The following SPAG9 variants were observed in gnomAD, a reference collection of about 807,000 sequenced individuals.
SPAG9 encodes the protein sperm associated antigen 9.
A neutral mutation model predicts 166.5 loss-of-function variants in SPAG9; 35 were observed. The observed-to-expected ratio is 0.21, with a 90% CI of 0.16 to 0.28. The LOEUF (loss-of-function observed/expected upper bound fraction) is 0.28, where lower values mean the gene tolerates loss of function less well. SPAG9 is among the 10% of genes least tolerant of loss of function. The probability of loss-of-function intolerance (pLI) is 1.00; values close to 1 mark genes in which losing one functional copy is unlikely to be tolerated. For synonymous variants in SPAG9, 534 were observed against 565.5 expected, an observed-to-expected ratio of 0.94 and a Z score of 0.79; for missense variants, 1,235 against 1,603.3, an observed-to-expected ratio of 0.77 and a Z score of 3.92.
chr17:51,054,098 G>A (rs950118747), intron 3 of SPAG9, among the ~76,000 whole-genome samples: 3 of 136,418 alleles, frequency 2.2e-5, no homozygotes, highest in Admixed American at 1.5e-4. Flanking sequence ...GCTAACAAAT[G>A]TCATTAAAAT....
At position 50,970,768 on chromosome 17, in the gene SPAG9, C is replaced by G; in HGVS notation, c.3789G>C (p.Gln1263His). 6.2e-7 allele frequency: 1 copy of G among 1,614,152 alleles called. No homozygotes were observed. The highest frequency in any genetic ancestry group is 8.5e-7 in the Non-Finnish European group (1 of 1,180,022). ...AGPSAQEPGS[Q>H]TPLKSMLVIS... is the part of the protein sequence containing the mutation. ...TGACAAGCATAGACTTCAAGGGCGT[C>G]TGACTACCAGGCTCCTGTGCAGATG... Residue 1263 changes from glutamine (Q) to histidine (H), a missense_variant, in exon 29 of 30, where the codon CAG becomes CAC. By Grantham distance (24) the Gln-to-His change is conservative. Coordinates refer to ENST00000262013, the MANE Select transcript of SPAG9 (RefSeq NM_001130528.3).
intron 19 of SPAG9, among the ~76,000 whole-genome samples, chr17:50,991,104 G>A (rs967417214): frequency 6.6e-6 from 1 of 151,224 alleles, no homozygotes; most frequent in Non-Finnish European, 1.5e-5. Flanking sequence ...ACAGGGTTTC[G>A]GTATGTTGGT....
intron 3 of SPAG9, 41 bp from the exon 4 acceptor site, chr17:51,047,510 A>T (rs377486560): frequency 3.2e-5 from 29 of 917,472 alleles, no homozygotes; most frequent in Non-Finnish European, 4.7e-5. Flanking sequence ...TTTAAGGCTA[A>T]TACCTGGAAT....
At chr17:51,111,108 T>A (rs2049098502) in intron 1 of SPAG9, among the ~76,000 whole-genome samples, 1 of 150,950 alleles carries the variant, frequency 6.6e-6, no homozygotes, top group South Asian at 2.1e-4. Flanking sequence ...AGAGCAAGAC[T>A]CCGTCTCAAA....
intron 8 of SPAG9, among the ~76,000 whole-genome samples, chr17:51,018,226 C>T (rs1163114746): frequency 1.4e-5 from 2 of 140,950 alleles, no homozygotes; most frequent in South Asian, 2.3e-4. Flanking sequence ...GCCTGCAGTC[C>T]CAGCTACTTG....
At chr17:51,066,064 A>G (rs2047654184) in intron 2 of SPAG9, among the ~76,000 whole-genome samples, 1 of 152,164 alleles carries the variant, frequency 6.6e-6, no homozygotes, top group African/African-American at 2.4e-5. Context: ...AAATCCTCTT[A>G]AAAGTTAGCA....
At chr17:51,055,196 T>C (rs2047328896) in intron 3 of SPAG9, among the ~76,000 whole-genome samples, 1 of 151,944 alleles carries the variant, frequency 6.6e-6, no homozygotes, top group African/African-American at 2.4e-5. Context: ...ATATTAAAAA[T>C]ACAAAAGTTA....
At chr17:51,025,980 C>T (rs540244602) in intron 6 of SPAG9, among the ~76,000 whole-genome samples, 15 of 152,074 alleles carry the variant, frequency 9.9e-5, no homozygotes, top group African/African-American at 2.2e-4. Flanking sequence ...CCCATTAAGA[C>T]GGCGGATTCA....
At chr17:51,095,983 A>T in intron 1 of SPAG9, among the ~76,000 whole-genome samples, 1 of 124,430 alleles carries the variant, frequency 8.0e-6, no homozygotes. Context: ...TGATATATAT[A>T]TATATAGTGA....
rs556275628 is a variant in SPAG9 at position 51,002,765 on chromosome 17, A to C, written c.1477-920T>G. ...GAGTGCAATCCTGTCTTTAAAAAAC[A>C]AAACAACAACAACAACAAAAACAAC... On this transcript the variant is annotated intron_variant, in intron 12 of 29. Coordinates refer to ENST00000262013, the MANE Select transcript of SPAG9 (RefSeq NM_001130528.3). Among the ~76,000 whole-genome samples, 6 of 149,082 alleles carry C rather than the reference A, an allele frequency of 4.0e-5. 1 individual carries two copies. Among genetic ancestry groups the C allele is most frequent in the Non-Finnish European group, 9.1e-5 (6 of 66,202 alleles).
chr17:51,031,502 TG>T (rs2046383223), intron 6 of SPAG9, 178 bp downstream of exon 6: 1 of 574,974 alleles, frequency 1.7e-6, no homozygotes. Context: ...AATTACAGAT[TG>T]CAGTAAAGCC....
At chr17:51,100,677 T>C (rs549513633) in intron 1 of SPAG9, among the ~76,000 whole-genome samples, 1 of 152,288 alleles carries the variant, frequency 6.6e-6, no homozygotes, top group African/African-American at 2.4e-5. Context: ...TCTGGTACTT[T>C]GGGACGCCAA....
Position 50,966,093 on chromosome 17 carries a change from G to C in SPAG9, c.*179C>G, listed in dbSNP as rs533006670. 13 of 588,468 alleles carry C rather than the reference G, an allele frequency of 2.2e-5. No individual in the cohort carries two copies. The East Asian group carries it at 3.7e-4, about 17-fold the overall frequency. 36.5% of individuals were successfully genotyped at this position (588,468 alleles called of 1,614,324 possible). A position where few individuals can be genotyped will look rare whatever the true frequency, so the allele number is the denominator to read the frequency against. ...CCTATAACACTGGTGCAGTAACACAGCTAGTTCCTCTGTATTGTTATGGTA... is the reference window on the plus strand; with the variant it reads ...CCTATAACACTGGTGCAGTAACACACCTAGTTCCTCTGTATTGTTATGGTA... On this transcript the variant is annotated 3_prime_UTR_variant, in exon 30 of 30. Coordinates refer to ENST00000262013, the MANE Select transcript of SPAG9 (RefSeq NM_001130528.3).
chr17:50,982,511 G>C lies in SPAG9; in HGVS notation c.3237+13C>G. The C allele has an allele frequency of 1.2e-6, 2 of 1,602,926 alleles. No individual in the cohort carries two copies. Reference sequence around the variant, plus strand: ...AATTCAATAAATACAGAAAACATAGGCTAATAACTTGCCTCTATTTTCATG... The same window carrying C: ...AATTCAATAAATACAGAAAACATAGCCTAATAACTTGCCTCTATTTTCATG... On this transcript the variant is annotated intron_variant, in intron 25 of 29. Coordinates refer to ENST00000262013, the MANE Select transcript of SPAG9 (RefSeq NM_001130528.3).
Position 51,047,401 on chromosome 17 carries a change from T to C in SPAG9, c.564A>G (p.Leu188=), listed in dbSNP as rs1481117455. Residue 188 remains leucine (L), a synonymous_variant, in exon 4 of 30, where the codon CTA becomes CTG. Transcript: ENST00000262013. The part of the protein sequence containing the change: ...KLHQLSGSDQ[L]ESTAHSRIRK... ...TAATTCTACTATGAGCTGTGGATTC[T>C]AGTTGATCACTCCCTGAGAGCTGAT... 3.8e-6 allele frequency: 6 copies of C among 1,590,466 alleles called. No homozygotes were observed. Among genetic ancestry groups the C allele is most frequent in the Non-Finnish European group, 5.1e-6 (6 of 1,165,622 alleles).
At chr17:51,090,024 T>G (rs2048422763) in intron 1 of SPAG9, among the ~76,000 whole-genome samples, 4 of 151,944 alleles carry the variant, frequency 2.6e-5, no homozygotes, top group Admixed American at 2.6e-4. Context: ...TAGCTTACTC[T>G]AAAAGGAATG....
At chr17:50,968,623 C>T (rs767806164) in intron 29 of SPAG9, among the ~76,000 whole-genome samples, 2 of 151,966 alleles carry the variant, frequency 1.3e-5, no homozygotes, top group East Asian at 2.0e-4. Context: ...CCCAGCTACT[C>T]GGGAGGCTGA....
At chr17:51,004,860 TTAAA>T (rs1264800679) in intron 12 of SPAG9, among the ~76,000 whole-genome samples, 2 of 152,220 alleles carry the variant, frequency 1.3e-5, no homozygotes, top group Non-Finnish European at 2.9e-5. Context: ...TTTAATACTG[TTAAA>T]TAATTTTTAT....
chr17:51,037,352 G>A (rs535727796), intron 5 of SPAG9, among the ~76,000 whole-genome samples: 79 of 152,116 alleles, frequency 5.2e-4, no homozygotes, highest in Admixed American at 1.6e-3. Flanking sequence ...GGCCGGGCGC[G>A]GTGGCTCAAG....
Sources: allele counts gnomAD v4.1 joint callset (sites outside exome capture counted in the v4.1 genomes callset), GRCh38; gene constraint gnomAD v4.1.1; transcripts MANE v1.5; gene names NCBI Gene and HGNC (gene_info 2026-07-23, HGNC 2026-07-21).